XRN1: variants seen among roughly 807,000 people sequenced by gnomAD.
The protein encoded by XRN1 is 5'-3' exoribonuclease 1.
Under a neutral mutation model 222.3 loss-of-function variants are expected in XRN1, and 67 were observed. The ratio of observed to expected loss-of-function variants is 0.30; its 90% CI spans 0.25 to 0.37. The LOEUF is 0.37. Among genes scored for constraint, XRN1 ranks in the 10% least tolerant of loss-of-function variants. XRN1 has a pLI of 1.00. For synonymous variants in XRN1, 643 were observed against 652.4 expected (o/e 0.99, Z 0.22); for missense variants, 1,707 against 2,000.2 (o/e 0.85, Z 2.80).
chr3:142,316,099 T>C (rs996304052), intron 39 of XRN1, among the ~76,000 whole-genome samples: 1 of 152,200 alleles, frequency 6.6e-6, no homozygotes, highest in Non-Finnish European at 1.5e-5. Context: ...ATGTAAATAT[T>C]ATCACTGCAG....
Position 142,400,509 on chromosome 3 carries a change from A to C in XRN1, c.2142T>G (p.Ser714=). The C allele has an allele frequency of 6.2e-7, 1 of 1,612,284 alleles. No homozygotes were observed. Among genetic ancestry groups the C allele is most frequent in the Non-Finnish European group, 8.5e-7 (1 of 1,179,038 alleles). ...ENVASSVLGK[S]VFVNWPHLEE... is the part of the protein sequence containing the mutation. ...CAAGGTGAGGCCAATTAACAAAGAC[A>C]GATTTTCCAAGCACTGATGAAGCTA... The change falls in exon 19 of 41, where the codon TCT becomes TCG. Residue 714 remains serine, a synonymous_variant. Transcript: ENST00000392981.
chr3:142,438,875 G>A (rs138234932), intron 1 of XRN1, among the ~76,000 whole-genome samples: 6,434 of 152,098 alleles, frequency 0.042, 455 homozygotes, highest in African/African-American at 0.15. Flanking sequence ...ATGCCCTACA[G>A]GAAGCCCTCA....
Position 142,307,647 on chromosome 3 carries a change from T to C in XRN1, c.*3864A>G, listed in dbSNP as rs1465706617. 1 of 152,196 alleles carries C rather than the reference T, an allele frequency of 6.6e-6. No homozygotes were observed. The highest frequency in any genetic ancestry group is 1.5e-5 in the Non-Finnish European group (1 of 68,020). 9.4% of individuals were successfully genotyped at this position (152,196 alleles called of 1,614,324 possible). On this transcript the variant is annotated 3_prime_UTR_variant, in exon 41 of 41. Transcript: ENST00000392981. Reference sequence around the variant, plus strand: ...CTCTGCCATGTTTCTGGAGACTTGATGCTGGTTCAACACTATCTCTTACTG... The same window carrying C: ...CTCTGCCATGTTTCTGGAGACTTGACGCTGGTTCAACACTATCTCTTACTG...
At chr3:142,370,859 A>G (rs1226718024) in intron 26 of XRN1, among the ~76,000 whole-genome samples, 1 of 152,126 alleles carries the variant, frequency 6.6e-6, no homozygotes, top group African/African-American at 2.4e-5. Context: ...TTAAAGCAAA[A>G]ATGAAACAAT....
chr3:142,427,778 C>T (rs757795856), intron 2 of XRN1, among the ~76,000 whole-genome samples: 203 of 152,224 alleles, frequency 1.3e-3, no homozygotes, highest in Non-Finnish European at 2.4e-3. Flanking sequence ...TGCCTGACTT[C>T]TACTGCCACC....
intron 32 of XRN1, among the ~76,000 whole-genome samples, chr3:142,354,914 T>A (rs1484567965): frequency 2.0e-5 from 3 of 152,162 alleles, no homozygotes; most frequent in Middle Eastern, 3.2e-3. Context: ...TGAAATAACA[T>A]CCTTTGCAGC....
intron 22 of XRN1, among the ~76,000 whole-genome samples, chr3:142,381,850 G>A (rs2067316534): frequency 6.6e-6 from 1 of 152,014 alleles, no homozygotes; most frequent in Non-Finnish European, 1.5e-5. Flanking sequence ...ACAGGAGTGA[G>A]CCACCATACC....
intron 25 of XRN1, among the ~76,000 whole-genome samples, chr3:142,372,312 T>C (rs371333375): frequency 5.3e-5 from 8 of 152,120 alleles, no homozygotes; most frequent in African/African-American, 1.7e-4. Flanking sequence ...AATGTGTCAC[T>C]AGGAAGCATA....
chr3:142,353,688 A>G (rs2066378583), intron 32 of XRN1, among the ~76,000 whole-genome samples: 1 of 152,330 alleles, frequency 6.6e-6, no homozygotes, highest in East Asian at 1.9e-4. Flanking sequence ...AAGATGGATT[A>G]AAGACTTAAA....
At chr3:142,441,720 T>G (rs972791439) in intron 1 of XRN1, among the ~76,000 whole-genome samples, 4 of 152,222 alleles carry the variant, frequency 2.6e-5, no homozygotes, top group Admixed American at 6.5e-5. Flanking sequence ...GCTCTATTAC[T>G]TGAAGGGCCA....
chr3:142,329,976 A>C (rs1253239177), intron 36 of XRN1, among the ~76,000 whole-genome samples: 2 of 152,240 alleles, frequency 1.3e-5, no homozygotes, highest in Non-Finnish European at 2.9e-5. Context: ...ACTATTTAGT[A>C]CTTCCTAAAA....
intron 20 of XRN1, among the ~76,000 whole-genome samples, chr3:142,391,684 T>C (rs370801826): frequency 6.7e-6 from 1 of 148,844 alleles, no homozygotes; most frequent in East Asian, 2.0e-4. Context: ...AGGTATAATA[T>C]GAATGTGCCA....
intron 18 of XRN1, among the ~76,000 whole-genome samples, chr3:142,402,454 A>G (rs2068179204): frequency 6.6e-6 from 1 of 152,160 alleles, no homozygotes; most frequent in Non-Finnish European, 1.5e-5. Flanking sequence ...AAGTGCTGGG[A>G]TTACAGACGT....
intron 1 of XRN1, among the ~76,000 whole-genome samples, chr3:142,444,105 G>A (rs983267403): frequency 1.3e-5 from 2 of 152,212 alleles, no homozygotes; most frequent in Non-Finnish European, 2.9e-5. Context: ...GGAGTCAGGG[G>A]AGAGGTGGGA....
intron 29 of XRN1, among the ~76,000 whole-genome samples, chr3:142,362,125 T>C (rs2066656938): frequency 6.6e-6 from 1 of 151,624 alleles, no homozygotes; most frequent in African/African-American, 2.4e-5. Context: ...CCGGCCACCA[T>C]TCCTGGCTAA....
intron 29 of XRN1, among the ~76,000 whole-genome samples, chr3:142,360,940 A>C (rs1445764433): frequency 2.0e-5 from 3 of 152,052 alleles, no homozygotes; most frequent in Non-Finnish European, 4.4e-5. Flanking sequence ...CATATGATAC[A>C]CTGCACATAT....
At chr3:142,400,367 A>C in intron 19 of XRN1, 77 bp downstream of exon 19, 6 of 1,254,508 alleles carry the variant, frequency 4.8e-6, no homozygotes, top group Non-Finnish European at 5.6e-6. Flanking sequence ...TGTCAGTTAA[A>C]AAAATGAATC....
chr3:142,415,263 C>T (rs192194197), intron 13 of XRN1, among the ~76,000 whole-genome samples: 44 of 152,058 alleles, frequency 2.9e-4, no homozygotes, highest in African/African-American at 1.1e-3. Context: ...CAATATGCTT[C>T]TAATGTTTGA....
At chr3:142,374,512 A>G (rs1241205759) in intron 25 of XRN1, among the ~76,000 whole-genome samples, 1 of 152,204 alleles carries the variant, frequency 6.6e-6, no homozygotes, top group Non-Finnish European at 1.5e-5. Flanking sequence ...AACTGTGAAC[A>G]TTTACTTCAT....
Sources: allele counts gnomAD v4.1 joint callset (sites outside exome capture counted in the v4.1 genomes callset), GRCh38; gene constraint gnomAD v4.1.1; transcripts MANE v1.5; gene names NCBI Gene and HGNC (gene_info 2026-07-23, HGNC 2026-07-21).